The following LRRC37A2 variants were observed in gnomAD, a reference collection of about 807,000 sequenced individuals.
LRRC37A2 encodes leucine-rich repeat-containing protein 37A2.
A neutral mutation model predicts 68.8 loss-of-function variants in LRRC37A2; 9 were observed. The observed-to-expected ratio is 0.13, with a 90% CI of 0.08 to 0.23. LRRC37A2 has a LOEUF of 0.23. Ranked by LOEUF, LRRC37A2 falls within the 10% of genes least tolerant of loss-of-function variation. LRRC37A2 has a pLI of 1.00. For synonymous variants in LRRC37A2, 63 were observed against 367.6 expected, an observed-to-expected ratio of 0.17 and a Z score of 9.48; for missense variants, 168 against 950.4, an observed-to-expected ratio of 0.18 and a Z score of 10.82.
the LRRC37A2 span, among the ~76,000 whole-genome samples, chr17:46,494,626 C>G: frequency 1.3e-5 from 2 of 151,354 alleles, no homozygotes; most frequent in African/African-American, 2.5e-5. Flanking sequence ...CCTGACAAAC[C>G]CAAGTTCACA....
At chr17:46,839,877 T>C in the LRRC37A2 span, among the ~76,000 whole-genome samples, 1 of 152,198 alleles carries the variant, frequency 6.6e-6, no homozygotes, top group Non-Finnish European at 1.5e-5. Context: ...CATGGCTGCA[T>C]AGTAGTCCAT....
the LRRC37A2 span, among the ~76,000 whole-genome samples, chr17:46,707,457 T>C: frequency 1.3e-5 from 2 of 152,306 alleles, no homozygotes; most frequent in East Asian, 1.9e-4. Context: ...CATAATGTTG[T>C]ATAATCATCA....
chr17:46,858,945 G>A, the LRRC37A2 span, among the ~76,000 whole-genome samples: 1 of 151,422 alleles, frequency 6.6e-6, no homozygotes, highest in Non-Finnish European at 1.5e-5. Flanking sequence ...GGGATTATTG[G>A]CATGAGCCAC....
At chr17:46,931,152 C>T in the LRRC37A2 span, 1,042 of 1,611,544 alleles carry the variant, frequency 6.5e-4, 12 homozygotes, top group Middle Eastern at 3.3e-4. Flanking sequence ...CCGTCTAGAA[C>T]GTCTGGAGAT....
At chr17:46,814,600 C>T in the LRRC37A2 span, among the ~76,000 whole-genome samples, 3 of 152,220 alleles carry the variant, frequency 2.0e-5, no homozygotes, top group African/African-American at 7.2e-5. Flanking sequence ...GTCTGTCTGT[C>T]TGTGGGATCA....
the LRRC37A2 span, among the ~76,000 whole-genome samples, chr17:46,913,177 C>T: frequency 3.3e-5 from 5 of 152,180 alleles, no homozygotes; most frequent in African/African-American, 9.7e-5. Flanking sequence ...GCCTAAAAGC[C>T]GACTTCCAAA....
the LRRC37A2 span, among the ~76,000 whole-genome samples, chr17:46,912,739 A>G: frequency 2.1e-4 from 32 of 152,304 alleles, no homozygotes; most frequent in South Asian, 4.6e-3. Flanking sequence ...TCCAGAGGTG[A>G]CAAGATGATG....
chr17:46,919,523 A>C, the LRRC37A2 span, among the ~76,000 whole-genome samples: 2 of 152,204 alleles, frequency 1.3e-5, no homozygotes, highest in African/African-American at 4.8e-5. Flanking sequence ...CATGAGACCC[A>C]AAGGAAAACA....
At chr17:46,853,082 T>G in the LRRC37A2 span, among the ~76,000 whole-genome samples, 1 of 152,180 alleles carries the variant, frequency 6.6e-6, no homozygotes, top group African/African-American at 2.4e-5. Flanking sequence ...CCAACAGCAG[T>G]GCACAACTTG....
At chr17:47,006,077 C>G in the LRRC37A2 span, among the ~76,000 whole-genome samples, 16 of 152,090 alleles carry the variant, frequency 1.1e-4, no homozygotes, top group Admixed American at 6.5e-4. Context: ...GAGCCTGAGG[C>G]AGGAGAATTG....
the LRRC37A2 span, among the ~76,000 whole-genome samples, chr17:46,758,930 G>T: frequency 2.6e-5 from 4 of 152,188 alleles, no homozygotes; most frequent in Non-Finnish European, 5.9e-5. Flanking sequence ...GGGCAGCCGG[G>T]CGCAGTAGCT....
the LRRC37A2 span, among the ~76,000 whole-genome samples, chr17:47,032,843 G>A: frequency 6.6e-6 from 1 of 152,184 alleles, no homozygotes; most frequent in Non-Finnish European, 1.5e-5. Flanking sequence ...AGGTCTGCCA[G>A]ATTCCAGGTC....
At chr17:46,895,869 G>T in the LRRC37A2 span, among the ~76,000 whole-genome samples, 1 of 152,198 alleles carries the variant, frequency 6.6e-6, no homozygotes. Flanking sequence ...TGAGGATCCA[G>T]GAGACAAGTG....
the LRRC37A2 span, among the ~76,000 whole-genome samples, chr17:46,898,140 C>T: frequency 6.6e-6 from 1 of 152,150 alleles, no homozygotes; most frequent in Admixed American, 6.6e-5. Context: ...ATCCCATTCA[C>T]CCAAAGGCCA....
At chr17:46,743,144 C>T in the LRRC37A2 span, among the ~76,000 whole-genome samples, 1 of 152,174 alleles carries the variant, frequency 6.6e-6, no homozygotes, top group Non-Finnish European at 1.5e-5. Flanking sequence ...CACAGTAACC[C>T]TTGTGAAGCT....
At chr17:46,932,308 A>G in the LRRC37A2 span, 11 of 1,269,008 alleles carry the variant, frequency 8.7e-6, no homozygotes, top group Non-Finnish European at 1.3e-5. Flanking sequence ...AAGACTGATG[A>G]TGAGGAAACC....
the LRRC37A2 span, among the ~76,000 whole-genome samples, chr17:46,791,316 C>T: frequency 1.3e-5 from 2 of 151,950 alleles, no homozygotes; most frequent in African/African-American, 4.8e-5. Flanking sequence ...CAGGTTCAAG[C>T]GATTCTCCTC....
At chr17:46,946,282 C>CAAAAAAAA in the LRRC37A2 span, among the ~76,000 whole-genome samples, 2 of 126,686 alleles carry the variant, frequency 1.6e-5, no homozygotes, top group African/African-American at 3.2e-5. Flanking sequence ...CTAAAAATAC[C>CAAAAAAAA]AAAAAAAAAA....
At chr17:46,978,221 A>T in the LRRC37A2 span, 1 of 197,036 alleles carries the variant, frequency 5.1e-6, no homozygotes, top group Non-Finnish European at 1.0e-5. Flanking sequence ...ACGCAAGATC[A>T]GGCCAACAAG....
Sources: allele counts gnomAD v4.1 joint callset (sites outside exome capture counted in the v4.1 genomes callset), GRCh38; gene constraint gnomAD v4.1.1; transcripts MANE v1.5; gene names NCBI Gene and HGNC (gene_info 2026-07-23, HGNC 2026-07-21).